ITSN1: variants seen among roughly 807,000 people sequenced by gnomAD.
ITSN1 encodes the protein intersectin 1.
In ITSN1, 58 loss-of-function variants were observed where a neutral mutation model predicts 239.8. The observed-to-expected ratio is 0.24, with a 90% CI of 0.20 to 0.30. The LOEUF is 0.30. Ranked by LOEUF, ITSN1 falls within the 10% of genes least tolerant of loss-of-function variation. The probability of loss-of-function intolerance (pLI) is 1.00; values close to 1 mark genes in which losing one functional copy is unlikely to be tolerated. For missense variants in ITSN1, 1,558 were observed against 2,103.3 expected, an observed-to-expected ratio of 0.74 and a Z score of 5.07; for synonymous variants, 780 against 770.8, an observed-to-expected ratio of 1.01 and a Z score of -0.20.
intron 1 of ITSN1, among the ~76,000 whole-genome samples, chr21:33,710,313 C>G (rs574069890): frequency 6.6e-6 from 1 of 151,742 alleles, no homozygotes; most frequent in African/African-American, 2.4e-5. Context: ...CTCCTGACCT[C>G]GTGAACCGCC....
intron 29 of ITSN1, among the ~76,000 whole-genome samples, chr21:33,853,317 G>T (rs1303791312): frequency 6.6e-6 from 1 of 152,236 alleles, no homozygotes; most frequent in African/African-American, 2.4e-5. Context: ...AGCTCCATCA[G>T]CTCTGACTTG....
intron 1 of ITSN1, among the ~76,000 whole-genome samples, chr21:33,702,954 G>T (rs185836069): frequency 3.3e-5 from 5 of 152,010 alleles, no homozygotes; most frequent in African/African-American, 1.2e-4. Context: ...GCCGGTGCCT[G>T]TAATTCCAGC....
chr21:33,896,484 G>C lies in ITSN1; in HGVS notation c.*8184G>C, dbSNP rs1986788374. On this transcript the variant is annotated 3_prime_UTR_variant, in exon 40 of 40. Transcript: ENST00000381318. Reference sequence around the variant, plus strand: ...TTGCTCCTCCAGCCTTCACCCCCTGGAGAGAAGGGGAGTCTGCGGAGCCAG... The same window carrying C: ...TTGCTCCTCCAGCCTTCACCCCCTGCAGAGAAGGGGAGTCTGCGGAGCCAG... 6.6e-6 allele frequency: 1 copy of C among 152,310 alleles called. No homozygotes were observed. The highest frequency in any genetic ancestry group is 1.5e-5 in the Non-Finnish European group (1 of 68,138). The allele number at this position is 152,310 out of a possible 1,614,324, so 9.4% of individuals were successfully genotyped here.
intron 32 of ITSN1, among the ~76,000 whole-genome samples, chr21:33,866,469 C>T (rs2148504392): frequency 6.6e-6 from 1 of 151,870 alleles, no homozygotes; most frequent in East Asian, 1.9e-4. Flanking sequence ...CAGCCCAGAG[C>T]AGGGGCCTCA....
rs1479502923 is a variant in ITSN1, at chr21:33,896,662, C to T, written c.*8362C>T. The T allele has an allele frequency of 1.3e-5, 2 of 152,220 alleles. No individual in the cohort carries two copies. Among genetic ancestry groups the T allele is most frequent in the East Asian group, 1.9e-4 (1 of 5,198 alleles). 9.4% of individuals were successfully genotyped at this position (152,220 alleles called of 1,614,324 possible). On this transcript the variant is annotated 3_prime_UTR_variant, in exon 40 of 40. Transcript: ENST00000381318. Reference sequence around the variant, plus strand: ...GAAAAGATCCCTCTGTGTAAGTAGCCTCAAGTTCTAGAAGACCATGGCCCC... The same window carrying T: ...GAAAAGATCCCTCTGTGTAAGTAGCTTCAAGTTCTAGAAGACCATGGCCCC...
In ITSN1 at chr21:33,882,393, T is replaced by A; in HGVS notation, c.4492T>A (p.Ser1498Thr). 6.2e-7 allele frequency: 1 copy of A among 1,614,084 alleles called. No homozygotes were observed. The highest frequency in any genetic ancestry group is 8.5e-7 in the Non-Finnish European group (1 of 1,180,032). Residue 1498 changes from serine to threonine, a missense_variant, in exon 35 of 40, where the codon TCT becomes ACT. By Grantham distance (58) the Ser-to-Thr change is moderately conservative. Coordinates refer to ENST00000381318, the MANE Select transcript of ITSN1 (RefSeq NM_003024.3). This position sits in a 1 kb window ranked among gnomAD's most constrained non-coding sequence, Gnocchi z 4.5. ...GACTCAGATCACGAAGCCTTTGGGG[T>A]CTTCTGGCACCGACAAAGTCTTCAG... ...LLTQITKPLG[S>T]SGTDKVFSPK... is the part of the protein sequence containing the mutation.
At chr21:33,717,789 G>A (rs527339539) in intron 1 of ITSN1, among the ~76,000 whole-genome samples, 5 of 152,040 alleles carry the variant, frequency 3.3e-5, no homozygotes, top group East Asian at 1.9e-4. Flanking sequence ...GGATGGTCTC[G>A]ATCTCCTGAC....
chr21:33,673,591 C>G (rs766795642), intron 1 of ITSN1, among the ~76,000 whole-genome samples: 1 of 151,124 alleles, frequency 6.6e-6, no homozygotes, highest in African/African-American at 2.5e-5. Flanking sequence ...TCTCTCAAAC[C>G]TTCGGTTTTC....
chr21:33,718,715 A>G, intron 1 of ITSN1, 82 bp from the exon 2 acceptor site: 1 of 888,042 alleles, frequency 1.1e-6, no homozygotes, highest in Non-Finnish European at 1.9e-6. Flanking sequence ...TCCTCTGACC[A>G]TTAAAGATAG....
chr21:33,876,102 CTTCTTTCTTTCT>C (rs750725563), intron 34 of ITSN1, among the ~76,000 whole-genome samples: 8,102 of 109,710 alleles, frequency 0.074, 460 homozygotes, highest in Admixed American at 0.14. Context: ...TCTTTCTTTC[CTTCTTTCTTTCT>C]TTCTTTCTTT....
In ITSN1 at chr21:33,661,437, C is replaced by CTT. The variant is rs879942325; in HGVS notation, c.-33+18735_-33+18736dup. Among the ~76,000 whole-genome samples the CTT allele has an allele frequency of 3.4e-5, 5 of 145,210 alleles. 1 individual carries two copies. The highest frequency in any genetic ancestry group is 1.3e-4 in the African/African-American group (5 of 39,770). On this transcript the variant is annotated intron_variant, in intron 1 of 39. Coordinates refer to ENST00000381318, the MANE Select transcript of ITSN1 (RefSeq NM_003024.3). The stretch of plus-strand genomic sequence containing the variant: ...CAAAGACATCCTGTTGTAAAACTGA[C>CTT]TTTTTTTTTTTTATGTGAGTGTTTG...
intron 8 of ITSN1, among the ~76,000 whole-genome samples, chr21:33,756,136 C>T (rs995530042): frequency 6.6e-6 from 1 of 151,806 alleles, no homozygotes; most frequent in African/African-American, 2.4e-5. Flanking sequence ...ATGGTCTCTA[C>T]TAAAAATACA....
rs73900371 is a variant in ITSN1 at position 33,822,145 on chromosome 21, G to A, written c.3017-1342G>A. Among the ~76,000 whole-genome samples, 239 of 152,366 alleles carry A rather than the reference G, an allele frequency of 1.6e-3. 1 individual carries two copies. The highest frequency in any genetic ancestry group is 5.6e-3 in the African/African-American group (233 of 41,588). On this transcript the variant is annotated intron_variant, in intron 24 of 39. Coordinates refer to ENST00000381318, the MANE Select transcript of ITSN1 (RefSeq NM_003024.3). ...ACCAGCAATTGCTGCTGGCCTCGGC[G>A]CTGACAGGTCAACACTGGCGCTGAA... is the stretch of plus-strand genomic sequence containing the variant.
At chr21:33,837,471 T>C in intron 29 of ITSN1, 5 of 986,158 alleles carry the variant, frequency 5.1e-6, no homozygotes, top group Non-Finnish European at 6.0e-6. Flanking sequence ...TGAGACTTGA[T>C]GTATTTTTTC....
At chr21:33,853,707 A>G (rs1978767528) in intron 29 of ITSN1, among the ~76,000 whole-genome samples, 1 of 152,120 alleles carries the variant, frequency 6.6e-6, no homozygotes, top group African/African-American at 2.4e-5. Flanking sequence ...GTCTATTGGC[A>G]TTTGGGGTGG....
intron 1 of ITSN1, among the ~76,000 whole-genome samples, chr21:33,675,616 A>C (rs540140114): frequency 6.6e-5 from 10 of 152,308 alleles, no homozygotes; most frequent in African/African-American, 2.4e-4. Context: ...CCAGATACCC[A>C]CAAAGGGCAT....
chr21:33,651,955 A>G, intron 1 of ITSN1, among the ~76,000 whole-genome samples: 1 of 152,248 alleles, frequency 6.6e-6, no homozygotes, highest in African/African-American at 2.4e-5. Flanking sequence ...GTGATTTGGT[A>G]ATTTAAAAAA....
At chr21:33,844,839 A>G (rs751311243) in intron 29 of ITSN1, among the ~76,000 whole-genome samples, 1 of 152,060 alleles carries the variant, frequency 6.6e-6, no homozygotes, top group Non-Finnish European at 1.5e-5. Flanking sequence ...ACAGCCCTCC[A>G]CTGACTTGGT....
At chr21:33,708,093 C>T (rs1415745574) in intron 1 of ITSN1, among the ~76,000 whole-genome samples, 2 of 152,132 alleles carry the variant, frequency 1.3e-5, no homozygotes, top group East Asian at 3.8e-4. Flanking sequence ...AGTGGCATAT[C>T]AGTGTGATTT....
Sources: gnomAD v4.1 joint callset for allele counts (sites outside exome capture counted in the v4.1 genomes callset) on GRCh38, gnomAD v4.1.1 for gene constraint, Gnocchi (gnomAD v3.1) non-coding constraint, MANE v1.5 for transcripts, NCBI Gene and HGNC (gene_info 2026-07-23, HGNC 2026-07-21) for gene names.